PTPN14: variants seen among roughly 807,000 people sequenced by gnomAD.
PTPN14 encodes the protein tyrosine-protein phosphatase non-receptor type 14.
PTPN14 carries 53 observed loss-of-function variants against 126.8 expected under a neutral mutation model. The observed-to-expected ratio is 0.42, with a 90% CI of 0.34 to 0.53. The LOEUF (loss-of-function observed/expected upper bound fraction) is 0.53. Ranked by LOEUF, PTPN14 falls within the 20% of genes least tolerant of loss-of-function variation. The pLI, the probability that PTPN14 is intolerant of heterozygous loss-of-function variation, is 0.08. For synonymous variants in PTPN14, 630 were observed against 599.3 expected (o/e 1.05, Z -0.75); for missense variants, 1,257 against 1,552.9 (o/e 0.81, Z 3.20).
intron 3 of PTPN14, among the ~76,000 whole-genome samples, chr1:214,450,602 G>A (rs1660253451): frequency 6.6e-6 from 1 of 152,118 alleles, no homozygotes; most frequent in African/African-American, 2.4e-5. Flanking sequence ...CAAAAGTCAG[G>A]TAGAATACTC....
At chr1:214,523,909 G>C (rs1655324397) in intron 1 of PTPN14, among the ~76,000 whole-genome samples, 1 of 150,570 alleles carries the variant, frequency 6.6e-6, no homozygotes, top group Non-Finnish European at 1.5e-5. Context: ...GAGTGCAGTG[G>C]TACAATCTCG....
chr1:214,393,301 C>T (rs1251861521), intron 10 of PTPN14, among the ~76,000 whole-genome samples: 3 of 152,094 alleles, frequency 2.0e-5, no homozygotes, highest in African/African-American at 4.8e-5. Context: ...ATGACAGGAG[C>T]GTCTTCTCTT....
In PTPN14 at chr1:214,352,136, A is replaced by T. The variant is rs1657719618; in HGVS notation, c.*5786T>A. 1 of 152,222 alleles carries T rather than the reference A, an allele frequency of 6.6e-6. No homozygotes were observed. Among genetic ancestry groups the T allele is most frequent in the African/African-American group, 2.4e-5 (1 of 41,452 alleles). The allele number at this position is 152,222 out of a possible 1,614,324, so 9.4% of individuals were successfully genotyped here. A position where few individuals can be genotyped will look rare whatever the true frequency, so the allele number is the denominator to read the frequency against. On this transcript the variant is annotated 3_prime_UTR_variant, in exon 19 of 19. Transcript: ENST00000366956. ...TTTAAAATGGGAAGGCTAAAAACAA[A>T]GCTGCAAACGGTAGGAACTGATGCA...
intron 3 of PTPN14, among the ~76,000 whole-genome samples, chr1:214,446,874 G>C (rs1660156708): frequency 6.6e-6 from 1 of 152,188 alleles, no homozygotes; most frequent in Non-Finnish European, 1.5e-5. Context: ...AACATGTGTT[G>C]GATGAAAACA....
At chr1:214,471,461 G>A (rs1209540695) in intron 1 of PTPN14, among the ~76,000 whole-genome samples, 1 of 152,176 alleles carries the variant, frequency 6.6e-6, no homozygotes, top group Non-Finnish European at 1.5e-5. Flanking sequence ...AAGTAAATGA[G>A]AAAACAGTGC....
chr1:214,474,342 C>T (rs1389915852), intron 1 of PTPN14, among the ~76,000 whole-genome samples: 1 of 152,164 alleles, frequency 6.6e-6, no homozygotes, highest in Non-Finnish European at 1.5e-5. Context: ...CAAAAGAACA[C>T]CCTCAGTTCA....
At chr1:214,497,343 A>G (rs954105032) in intron 1 of PTPN14, among the ~76,000 whole-genome samples, 5 of 152,208 alleles carry the variant, frequency 3.3e-5, no homozygotes, top group African/African-American at 1.2e-4. Context: ...CACAAGAGGC[A>G]ATGTTTTTAA....
intron 10 of PTPN14, among the ~76,000 whole-genome samples, chr1:214,392,036 G>C (rs886376848): frequency 3.3e-5 from 5 of 152,184 alleles, no homozygotes; most frequent in Admixed American, 2.0e-4. Flanking sequence ...TTAGAGGTCA[G>C]AGAGTATCGC....
At chr1:214,410,786 T>C (rs4295859) in intron 5 of PTPN14, among the ~76,000 whole-genome samples, 114,038 of 152,026 alleles carry the variant, frequency 0.75, 42,786 homozygotes, top group African/African-American at 0.77. Context: ...TACTTCTGGG[T>C]GTTCTATTCT....
At chr1:214,358,706 T>C (rs1399854925) in intron 18 of PTPN14, among the ~76,000 whole-genome samples, 2 of 152,032 alleles carry the variant, frequency 1.3e-5, no homozygotes, top group Admixed American at 6.5e-5. Context: ...ATCAAGCATT[T>C]AGTGCACAGT....
intron 1 of PTPN14, among the ~76,000 whole-genome samples, chr1:214,493,054 G>C (rs2102420362): frequency 6.6e-6 from 1 of 152,262 alleles, no homozygotes; most frequent in South Asian, 2.1e-4. Flanking sequence ...TTTCAGAGGG[G>C]GGATGATCAT....
At chr1:214,474,638 T>C (rs1052013261) in intron 1 of PTPN14, among the ~76,000 whole-genome samples, 8 of 152,204 alleles carry the variant, frequency 5.3e-5, no homozygotes, top group Non-Finnish European at 8.8e-5. Context: ...GTCCCATCCA[T>C]GGTGGTTAAA....
At chr1:214,546,289 GTGATGCTC>G (rs1655967478) in intron 1 of PTPN14, among the ~76,000 whole-genome samples, 1 of 152,232 alleles carries the variant, frequency 6.6e-6, no homozygotes, top group Non-Finnish European at 1.5e-5. Flanking sequence ...AGCCCTGCAG[GTGATGCTC>G]ACTGGAGGTT....
At chr1:214,377,432 T>C (rs927671804) in intron 14 of PTPN14, among the ~76,000 whole-genome samples, 2 of 152,102 alleles carry the variant, frequency 1.3e-5, no homozygotes, top group African/African-American at 2.4e-5. Context: ...GTACTGGGCT[T>C]AATACCTGGG....
At chr1:214,445,506 C>T (rs934145822) in intron 3 of PTPN14, among the ~76,000 whole-genome samples, 2 of 150,944 alleles carry the variant, frequency 1.3e-5, no homozygotes, top group African/African-American at 4.9e-5. Context: ...ACTGTGCAAC[C>T]ATAACATTCA....
chr1:214,477,977 G>C (rs1383294100), intron 1 of PTPN14, among the ~76,000 whole-genome samples: 1 of 152,146 alleles, frequency 6.6e-6, no homozygotes, highest in Non-Finnish European at 1.5e-5. Context: ...CATAAGCAAA[G>C]AAATCCACAG....
Position 214,384,132 on chromosome 1 carries a change from G to T in PTPN14, c.1723C>A (p.Pro575Thr). The T allele has an allele frequency of 6.3e-7, 1 of 1,575,152 alleles. No homozygotes were observed. The highest frequency in any genetic ancestry group is 8.6e-7 in the Non-Finnish European group (1 of 1,163,290). ...RPPPPYPRPR[P>T]ATSTPDLASH... The stretch of plus-strand genomic sequence containing the variant: ...GCCAGGTCTGGGGTGCTGGTGGCAG[G>T]TCGTGGCCGTGGGTAGGGGGGCGGT... Residue 575 changes from proline to threonine, a missense_variant, in exon 13 of 19, where the codon CCT becomes ACT. Physicochemically the swap from Pro to Thr is conservative, Grantham distance 38. Coordinates refer to ENST00000366956, the MANE Select transcript of PTPN14 (RefSeq NM_005401.5). This position sits in a 1 kb window ranked among gnomAD's most constrained non-coding sequence, Gnocchi z 5.3.
At chr1:214,393,269 T>C (rs775103634) in intron 10 of PTPN14, among the ~76,000 whole-genome samples, 15 of 152,190 alleles carry the variant, frequency 9.9e-5, no homozygotes, top group Non-Finnish European at 8.8e-5. Flanking sequence ...TAGCCAACTG[T>C]GTAAGCGACA....
At chr1:214,514,679 T>C (rs1340943607) in intron 1 of PTPN14, among the ~76,000 whole-genome samples, 1 of 152,106 alleles carries the variant, frequency 6.6e-6, no homozygotes, top group Non-Finnish European at 1.5e-5. Flanking sequence ...AAAATAATAC[T>C]GAGGATGTGT....
Sources: gnomAD v4.1 joint callset for allele counts (sites outside exome capture counted in the v4.1 genomes callset) on GRCh38, gnomAD v4.1.1 for gene constraint, Gnocchi (gnomAD v3.1) non-coding constraint, MANE v1.5 for transcripts, NCBI Gene and HGNC (gene_info 2026-07-23, HGNC 2026-07-21) for gene names.